Variants in SAMD5 observed in about 807,000 individuals in gnomAD.
The protein encoded by SAMD5 is sterile alpha motif domain-containing protein 5.
Under a neutral mutation model 11.3 loss-of-function variants are expected in SAMD5, and 13 were observed. That is an observed-to-expected ratio of 1.15 (90% CI 0.75 to 1.83). The LOEUF (loss-of-function observed/expected upper bound fraction) is 1.83. SAMD5 is among the 40% of genes most tolerant of loss of function. SAMD5 has a pLI of 0.00. For synonymous variants in SAMD5, 129 were observed against 111.3 expected (o/e 1.16, Z -1.00); for missense variants, 255 against 239.1 (o/e 1.07, Z -0.44).
chr6:147,835,233 A>G, the SAMD5 span, among the ~76,000 whole-genome samples: 10 of 62,832 alleles, frequency 1.6e-4, no homozygotes, highest in Admixed American at 4.6e-4. Flanking sequence ...ACTCCATCTT[A>G]AAAAAAAAAA....
the SAMD5 span, among the ~76,000 whole-genome samples, chr6:147,949,058 A>G: frequency 6.6e-6 from 1 of 152,242 alleles, no homozygotes; most frequent in Admixed American, 6.5e-5. Flanking sequence ...TTTGAAGCCT[A>G]TCAGAGACCC....
the SAMD5 span, among the ~76,000 whole-genome samples, chr6:147,847,078 A>C: frequency 0.015 from 2,329 of 152,308 alleles, 41 homozygotes; most frequent in Middle Eastern, 0.027. Flanking sequence ...AAACAAGCCG[A>C]TGCAAGCTCA....
intron 1 of SAMD5, among the ~76,000 whole-genome samples, chr6:147,623,129 T>C (rs1252234933): frequency 6.6e-6 from 1 of 152,220 alleles, no homozygotes; most frequent in Non-Finnish European, 1.5e-5. Flanking sequence ...ACAGACCATC[T>C]AGCCTGGCTA....
At chr6:147,710,013 C>G (rs1791374541) in intron 1 of SAMD5, among the ~76,000 whole-genome samples, 1 of 152,200 alleles carries the variant, frequency 6.6e-6, no homozygotes, top group Non-Finnish European at 1.5e-5. Flanking sequence ...ACGATCAGGC[C>G]TCTGTCTACC....
At position 147,561,482 on chromosome 6, in the gene SAMD5, G is replaced by A. The variant is rs551829097; in HGVS notation, c.460-2912G>A. 2.2e-4 allele frequency among the ~76,000 whole-genome samples: 34 copies of A among 152,248 alleles called. No individual in the cohort carries two copies. The South Asian group carries it at 7.1e-3, about 32-fold the overall frequency. On this transcript the variant is annotated intron_variant, in intron 1 of 1. Coordinates refer to ENST00000367474, the MANE Select transcript of SAMD5 (RefSeq NM_001030060.3). ...TGGGATTACAGGCGTGAGCCACTGT[G>A]CCTGGCTGGCTTTCATGAATTTTAA...
the SAMD5 span, among the ~76,000 whole-genome samples, chr6:147,923,126 GT>G: frequency 6.6e-6 from 1 of 152,102 alleles, no homozygotes; most frequent in Non-Finnish European, 1.5e-5. Context: ...TGTCTCAAAC[GT>G]TTTTTATGGG....
the SAMD5 span, among the ~76,000 whole-genome samples, chr6:147,928,695 T>C: frequency 6.6e-6 from 1 of 152,162 alleles, no homozygotes; most frequent in Non-Finnish European, 1.5e-5. Context: ...ATTTCTTGTT[T>C]TCTGCTAGCA....
chr6:147,583,044 A>T (rs1465779187), intron 1 of SAMD5, among the ~76,000 whole-genome samples: 1 of 152,260 alleles, frequency 6.6e-6, no homozygotes, highest in Non-Finnish European at 1.5e-5. Flanking sequence ...ATAAATAAAC[A>T]TTAAAAGACT....
rs1179599243 is a variant in SAMD5 at position 147,566,622 on chromosome 6, T to C, written c.*2166T>C. The C allele has an allele frequency of 2.0e-6, 2 of 979,686 alleles. No homozygotes were observed. The highest frequency in any genetic ancestry group is 3.5e-5 in the African/African-American group (2 of 57,064). 60.7% of individuals were successfully genotyped at this position (979,686 alleles called of 1,614,324 possible). A position where few individuals can be genotyped will look rare whatever the true frequency, so the allele number is the denominator to read the frequency against. On this transcript the variant is annotated 3_prime_UTR_variant, in exon 2 of 2. Transcript: ENST00000367474. ...AGAGTAATATCTAACTTCAATTATTTTGCCAGGTTTAAACCTTCTCTCTGT... is the reference window on the plus strand; with the variant it reads ...AGAGTAATATCTAACTTCAATTATTCTGCCAGGTTTAAACCTTCTCTCTGT...
chr6:147,727,326 G>C (rs1791643035), intron 1 of SAMD5, among the ~76,000 whole-genome samples: 1 of 152,158 alleles, frequency 6.6e-6, no homozygotes, highest in South Asian at 2.1e-4. Context: ...CCTCCAAGGA[G>C]TCTTTCTTAT....
intron 1 of SAMD5, among the ~76,000 whole-genome samples, chr6:147,610,773 C>G (rs191133570): frequency 1.4e-4 from 22 of 152,036 alleles, no homozygotes; most frequent in Admixed American, 4.6e-4. Context: ...GAGGTTTGAT[C>G]AGGATTTGGG....
the SAMD5 span, among the ~76,000 whole-genome samples, chr6:147,831,435 C>G: frequency 1.3e-5 from 2 of 152,166 alleles, no homozygotes; most frequent in Non-Finnish European, 2.9e-5. Context: ...CTCTTTTTCT[C>G]CCAACATAAC....
the SAMD5 span, among the ~76,000 whole-genome samples, chr6:147,814,093 A>T: frequency 6.6e-6 from 1 of 152,148 alleles, no homozygotes; most frequent in African/African-American, 2.4e-5. Context: ...TATATAGTTC[A>T]TCTATCTTTA....
the SAMD5 span, among the ~76,000 whole-genome samples, chr6:147,871,852 T>G: frequency 1.3e-5 from 2 of 152,228 alleles, no homozygotes; most frequent in Non-Finnish European, 2.9e-5. Flanking sequence ...TTCTAAATTT[T>G]ATTTTCATGA....
At chr6:147,650,438 C>T (rs1302019) in intron 1 of SAMD5, among the ~76,000 whole-genome samples, 147,753 of 152,324 alleles carry the variant, frequency 0.97, 71,697 homozygotes, top group African/African-American at 0.98. Flanking sequence ...TGCAAAAGGC[C>T]CAGGATGGTT....
the SAMD5 span, among the ~76,000 whole-genome samples, chr6:147,826,589 C>T: frequency 0.05 from 7,543 of 152,220 alleles, 218 homozygotes; most frequent in African/African-American, 0.062. Flanking sequence ...GGTGAGAATT[C>T]GTTTTCATAT....
the SAMD5 span, among the ~76,000 whole-genome samples, chr6:147,894,899 TG>T: frequency 6.6e-6 from 1 of 152,348 alleles, no homozygotes; most frequent in Non-Finnish European, 1.5e-5. Context: ...TGCTCCTTTC[TG>T]TCTATTTGAG....
At chr6:147,724,426 A>T (rs1302747231) in intron 1 of SAMD5, among the ~76,000 whole-genome samples, 1 of 152,242 alleles carries the variant, frequency 6.6e-6, no homozygotes, top group African/African-American at 2.4e-5. Flanking sequence ...CCTGTCACAA[A>T]TAAACATATT....
chr6:147,899,290 C>G, the SAMD5 span, among the ~76,000 whole-genome samples: 1 of 151,600 alleles, frequency 6.6e-6, no homozygotes, highest in African/African-American at 2.4e-5. Flanking sequence ...TTGGCACTAT[C>G]ACTACACCTA....
Sources: gnomAD v4.1 joint callset for allele counts (sites outside exome capture counted in the v4.1 genomes callset) on GRCh38, gnomAD v4.1.1 for gene constraint, MANE v1.5 for transcripts, NCBI Gene and HGNC (gene_info 2026-07-23, HGNC 2026-07-21) for gene names.